The following ENOX1 variants were observed in gnomAD, a reference collection of about 807,000 sequenced individuals.
ENOX1 encodes candidate growth-related and time keeping constitutive hydroquinone (NADH) oxidase.
ENOX1 carries 42 observed loss-of-function variants against 82.5 expected under a neutral mutation model. That is an observed-to-expected ratio of 0.51 (90% CI 0.40 to 0.66). The LOEUF (loss-of-function observed/expected upper bound fraction) is 0.66, where lower values mean the gene tolerates loss of function less well. Among genes scored for constraint, ENOX1 ranks in the 30% least tolerant of loss-of-function variants. ENOX1 has a pLI of 0.00. For missense variants in ENOX1, 608 were observed against 811.6 expected (o/e 0.75, Z 3.05); for synonymous variants, 271 against 282.2 (o/e 0.96, Z 0.40).
chr13:43,522,005 C>T (rs1248762548), intron 2 of ENOX1, among the ~76,000 whole-genome samples: 1 of 152,046 alleles, frequency 6.6e-6, no homozygotes, highest in Non-Finnish European at 1.5e-5. Context: ...ACATGTATAA[C>T]AATTTATTTG....
At chr13:43,255,561 C>T (rs1280994663) in intron 14 of ENOX1, among the ~76,000 whole-genome samples, 11 of 152,046 alleles carry the variant, frequency 7.2e-5, no homozygotes, top group Admixed American at 7.2e-4. Context: ...ACTGGTAGAA[C>T]TGATGAATTC....
rs529092089 is a variant in ENOX1, at chr13:43,364,839, A to C, written c.209-3387T>G. On this transcript the variant is annotated intron_variant, in intron 5 of 16. Transcript: ENST00000690772. The stretch of plus-strand genomic sequence containing the variant: ...CTCAGCAAAAGAGTCGGGACACATG[A>C]GCTGAGGCTCAGAGGACACAGAGAG... 6.6e-5 allele frequency among the ~76,000 whole-genome samples: 10 copies of C among 152,302 alleles called. No individual in the cohort carries two copies. In the East Asian group the frequency reaches 1.9e-3, roughly 29 times the overall value.
intron 12 of ENOX1, among the ~76,000 whole-genome samples, chr13:43,280,194 G>C (rs2045298374): frequency 6.6e-6 from 1 of 152,212 alleles, no homozygotes; most frequent in Non-Finnish European, 1.5e-5. Flanking sequence ...TGATGGAACA[G>C]CTGGGTCTTG....
intron 2 of ENOX1, among the ~76,000 whole-genome samples, chr13:43,621,565 G>T (rs1373737031): frequency 6.6e-6 from 1 of 152,164 alleles, no homozygotes; most frequent in Non-Finnish European, 1.5e-5. Context: ...TGTTTGAGAA[G>T]GCTGAAGATA....
intron 14 of ENOX1, among the ~76,000 whole-genome samples, chr13:43,249,236 T>C (rs577879243): frequency 2.0e-5 from 3 of 152,306 alleles, no homozygotes; most frequent in African/African-American, 7.2e-5. Context: ...TTATTTTTAG[T>C]TTTACTATAT....
Position 43,470,617 on chromosome 13 carries a change from T to C in ENOX1, c.-75+13392A>G, listed in dbSNP as rs976786106. Among the ~76,000 whole-genome samples, 11 of 151,414 alleles carry C rather than the reference T, an allele frequency of 7.3e-5. No individual in the cohort carries two copies. The East Asian group carries it at 1.9e-3, about 27-fold the overall frequency. On this transcript the variant is annotated intron_variant, in intron 3 of 16. Transcript: ENST00000690772. Reference sequence around the variant, plus strand: ...TAAAATACTTGTTTATATATTTACATACATATATATTTTTATATATGGCTC... The same window carrying C: ...TAAAATACTTGTTTATATATTTACACACATATATATTTTTATATATGGCTC...
intron 2 of ENOX1, among the ~76,000 whole-genome samples, chr13:43,616,138 C>CTATAGATATATAGATATATATCTATA (rs1364614503): frequency 4.6e-5 from 1 of 21,636 alleles, no homozygotes; most frequent in Non-Finnish European, 1.2e-4. Flanking sequence ...ATCTATCTAT[C>CTATAGATATATAGATATATATCTATA]TAGATATCTA....
At chr13:43,328,222 A>G (rs1566524316) in intron 9 of ENOX1, among the ~76,000 whole-genome samples, 1 of 152,184 alleles carries the variant, frequency 6.6e-6, no homozygotes. Flanking sequence ...CAGAGGAGAG[A>G]ACCTGTTCCA....
intron 15 of ENOX1, 38 bp downstream of exon 15, chr13:43,236,598 A>G: frequency 7.8e-7 from 1 of 1,280,884 alleles, no homozygotes; most frequent in Non-Finnish European, 1.1e-6. Context: ...CCTAATAATT[A>G]TTTAAGAGAA....
chr13:43,519,390 C>T (rs1001828631), intron 2 of ENOX1, among the ~76,000 whole-genome samples: 3 of 152,090 alleles, frequency 2.0e-5, no homozygotes, highest in South Asian at 2.1e-4. Flanking sequence ...TAATAAGAAA[C>T]AAATTCTTTA....
intron 7 of ENOX1, among the ~76,000 whole-genome samples, chr13:43,359,268 A>G (rs866112862): frequency 6.6e-6 from 1 of 152,260 alleles, no homozygotes; most frequent in South Asian, 2.1e-4. Context: ...CCTTGCGGAC[A>G]GACTCCATTC....
chr13:43,402,587 T>C (rs1034634869), intron 5 of ENOX1, among the ~76,000 whole-genome samples: 5 of 152,138 alleles, frequency 3.3e-5, no homozygotes, highest in African/African-American at 1.2e-4. Flanking sequence ...TGCTTACAAT[T>C]CAAGAATGCA....
intron 1 of ENOX1, among the ~76,000 whole-genome samples, chr13:43,717,436 T>A (rs2088227455): frequency 6.6e-6 from 1 of 152,280 alleles, no homozygotes; most frequent in East Asian, 1.9e-4. Context: ...AATTATAAAA[T>A]TCCTAGAAGA....
rs1312414797 is a variant in ENOX1, at chr13:43,506,732, A to G, written c.-218-22580T>C. ...ACCATCATTCTCAGCAAACTATCGC[A>G]AGGACAAAAAACCCAACACCGCATG... is the stretch of plus-strand genomic sequence containing the variant. On this transcript the variant is annotated intron_variant, in intron 2 of 16. Transcript: ENST00000690772. Among the ~76,000 whole-genome samples, 2 of 137,734 alleles carry G rather than the reference A, an allele frequency of 1.5e-5. 1 individual carries two copies. The highest frequency in any genetic ancestry group is 3.3e-5 in the Non-Finnish European group (2 of 60,606). The allele number at this position is 137,734 out of a possible 152,430, so 90.4% of individuals were successfully genotyped here. A position where few individuals can be genotyped will look rare whatever the true frequency, so the allele number is the denominator to read the frequency against.
At chr13:43,416,187 T>C (rs1482169999) in intron 3 of ENOX1, among the ~76,000 whole-genome samples, 43 of 12,948 alleles carry the variant, frequency 3.3e-3, no homozygotes, top group Admixed American at 5.9e-3. Context: ...GAAGCGCTCC[T>C]CACATCCCAG....
intron 5 of ENOX1, among the ~76,000 whole-genome samples, chr13:43,378,459 C>G (rs1329397177): frequency 6.6e-6 from 1 of 152,056 alleles, no homozygotes; most frequent in Admixed American, 6.5e-5. Flanking sequence ...CTACACTAAG[C>G]TAAAGAAAGA....
intron 5 of ENOX1, among the ~76,000 whole-genome samples, chr13:43,397,372 T>G (rs2053219494): frequency 6.6e-6 from 1 of 152,212 alleles, no homozygotes; most frequent in South Asian, 2.1e-4. Flanking sequence ...TGTCTCTGGT[T>G]AGAACCTCAT....
At chr13:43,618,861 A>T (rs1026474845) in intron 2 of ENOX1, among the ~76,000 whole-genome samples, 5 of 152,068 alleles carry the variant, frequency 3.3e-5, no homozygotes, top group African/African-American at 9.7e-5. Context: ...GATTCTACTC[A>T]TCCATGAACA....
chr13:43,519,645 C>A (rs2077686303), intron 2 of ENOX1, among the ~76,000 whole-genome samples: 1 of 152,112 alleles, frequency 6.6e-6, no homozygotes. Context: ...CTGGGCCACC[C>A]AAAGACCAGG....
Sources: allele counts gnomAD v4.1 joint callset (sites outside exome capture counted in the v4.1 genomes callset), GRCh38; gene constraint gnomAD v4.1.1; transcripts MANE v1.5; gene names NCBI Gene and HGNC (gene_info 2026-07-23, HGNC 2026-07-21).